Variants in GABBR2 observed in about 807,000 individuals in gnomAD.
GABBR2 encodes the protein G-protein coupled receptor 51.
A neutral mutation model predicts 105.6 loss-of-function variants in GABBR2; 23 were observed. The observed-to-expected ratio is 0.22, with a 90% CI of 0.16 to 0.31. The LOEUF (loss-of-function observed/expected upper bound fraction) is 0.31. GABBR2 is among the 10% of genes least tolerant of loss of function. The pLI is 1.00. For synonymous variants in GABBR2, 478 were observed against 499.7 expected (o/e 0.96, Z 0.58); for missense variants, 734 against 1,245.5 (o/e 0.59, Z 6.18).
intron 1 of GABBR2, chr9:98,607,367 T>G: frequency 4.3e-6 from 3 of 705,640 alleles, no homozygotes; most frequent in Admixed American, 2.1e-5. Context: ...ATTGAGTTTA[T>G]GAAGCGTTTG....
Position 98,463,626 on chromosome 9 carries a change from C to T in GABBR2, c.1000-9409G>A, listed in dbSNP as rs760753969. Among the ~76,000 whole-genome samples, 13 of 151,930 alleles carry T rather than the reference C, an allele frequency of 8.6e-5. No individual in the cohort carries two copies. In the South Asian group the frequency reaches 1.5e-3, roughly 17 times the overall value. On this transcript the variant is annotated intron_variant, in intron 6 of 18. Transcript: ENST00000259455. ...CCGTCTCGCTCTCGCTCTCGCTCTCCGTCTCGCTCTCGCTCTCCGTCTCCC... is the reference window on the plus strand; with the variant it reads ...CCGTCTCGCTCTCGCTCTCGCTCTCTGTCTCGCTCTCGCTCTCCGTCTCCC...
chr9:98,448,663 C>G (rs906946963), intron 7 of GABBR2, among the ~76,000 whole-genome samples: 11 of 152,124 alleles, frequency 7.2e-5, no homozygotes, highest in Non-Finnish European at 1.5e-4. Flanking sequence ...AGCGATCCAC[C>G]CACCTCAGCC....
chr9:98,547,443 T>A (rs1377099241), intron 2 of GABBR2, among the ~76,000 whole-genome samples: 1 of 118,096 alleles, frequency 8.5e-6, no homozygotes, highest in African/African-American at 2.7e-5. Flanking sequence ...TATATTCCTA[T>A]ATATTCTTGT....
intron 12 of GABBR2, among the ~76,000 whole-genome samples, chr9:98,370,199 G>A (rs487910): frequency 0.29 from 43,451 of 151,930 alleles, 7,772 homozygotes; most frequent in African/African-American, 0.5. Context: ...AGTTTGTGTG[G>A]CCCTGTCCAG....
At chr9:98,409,350 C>T (rs936721981) in intron 7 of GABBR2, among the ~76,000 whole-genome samples, 8 of 152,158 alleles carry the variant, frequency 5.3e-5, no homozygotes, top group Non-Finnish European at 1.0e-4. Context: ...GTGTGGCAAA[C>T]GTGGAAGCAG....
chr9:98,642,692 G>A (rs1829980168), intron 1 of GABBR2, among the ~76,000 whole-genome samples: 1 of 152,136 alleles, frequency 6.6e-6, no homozygotes, highest in South Asian at 2.1e-4. Flanking sequence ...AACAGAATAG[G>A]TGTGCATCAT....
At chr9:98,615,002 A>G (rs1313619885) in intron 1 of GABBR2, among the ~76,000 whole-genome samples, 2 of 152,204 alleles carry the variant, frequency 1.3e-5, no homozygotes, top group African/African-American at 2.4e-5. Flanking sequence ...AGCCTTTTCA[A>G]TAAAAATCCT....
chr9:98,536,700 C>T (rs1448115152), intron 3 of GABBR2, among the ~76,000 whole-genome samples: 1 of 152,154 alleles, frequency 6.6e-6, no homozygotes, highest in Non-Finnish European at 1.5e-5. Flanking sequence ...GGTACTTATG[C>T]CCCTCTTCTG....
intron 6 of GABBR2, among the ~76,000 whole-genome samples, chr9:98,456,011 C>G (rs1379986621): frequency 6.6e-6 from 1 of 152,176 alleles, no homozygotes; most frequent in East Asian, 1.9e-4. Flanking sequence ...ACACAGTGGG[C>G]AGAAACTCCC....
intron 7 of GABBR2, among the ~76,000 whole-genome samples, chr9:98,411,154 T>C (rs931414613): frequency 6.6e-6 from 1 of 152,206 alleles, no homozygotes; most frequent in Non-Finnish European, 1.5e-5. Context: ...AGGATTTTTT[T>C]TCCCCCTGAA....
chr9:98,299,736 C>G (rs895902801), intron 16 of GABBR2, among the ~76,000 whole-genome samples: 7 of 152,164 alleles, frequency 4.6e-5, no homozygotes, highest in African/African-American at 1.7e-4. Context: ...AACCCAGTCT[C>G]AATTTCTTTT....
At chr9:98,604,306 T>C (rs1020425939) in intron 1 of GABBR2, among the ~76,000 whole-genome samples, 5 of 152,334 alleles carry the variant, frequency 3.3e-5, no homozygotes, top group African/African-American at 9.6e-5. Context: ...ATCGGCTTTA[T>C]TGAGCAACAG....
chr9:98,688,683 C>A (rs1830650775), intron 1 of GABBR2, among the ~76,000 whole-genome samples: 1 of 152,014 alleles, frequency 6.6e-6, no homozygotes, highest in Non-Finnish European at 1.5e-5. Context: ...CCAGGGTGAC[C>A]CCAGTGATCA....
At position 98,464,097 on chromosome 9, in the gene GABBR2, C is replaced by T. The variant is rs374822130; in HGVS notation, c.999+9049G>A. 9.5e-4 allele frequency among the ~76,000 whole-genome samples: 144 copies of T among 152,168 alleles called. 3 individuals are homozygous for T. The East Asian group carries it at 0.02, about 21-fold the overall frequency. The stretch of plus-strand genomic sequence containing the variant: ...GCAGCGTCTCTGCCTGGCAGCCCAT[C>T]GTCTGGGATGTGAGGAGCCCCTCTG... On this transcript the variant is annotated intron_variant, in intron 6 of 18. Coordinates refer to ENST00000259455, the MANE Select transcript of GABBR2 (RefSeq NM_005458.8).
intron 5 of GABBR2, among the ~76,000 whole-genome samples, chr9:98,474,423 C>T (rs570661603): frequency 4.5e-4 from 69 of 152,208 alleles, no homozygotes; most frequent in Non-Finnish European, 7.2e-4. Context: ...CAGGTTCCAT[C>T]AAAATTGGGT....
At chr9:98,495,091 G>A (rs992228918) in intron 4 of GABBR2, among the ~76,000 whole-genome samples, 2 of 152,236 alleles carry the variant, frequency 1.3e-5, no homozygotes, top group Admixed American at 6.5e-5. Flanking sequence ...CTGCAGGGGG[G>A]AGACCTGGCT....
chr9:98,677,916 C>T (rs566261664), intron 1 of GABBR2, among the ~76,000 whole-genome samples: 27 of 152,272 alleles, frequency 1.8e-4, no homozygotes, highest in African/African-American at 6.0e-4. Flanking sequence ...AATATTAGGG[C>T]CTGACTGTCC....
chr9:98,398,580 G>A (rs771204368), intron 8 of GABBR2, among the ~76,000 whole-genome samples: 2 of 152,128 alleles, frequency 1.3e-5, no homozygotes, highest in Non-Finnish European at 2.9e-5. Context: ...TGGGTCCTGG[G>A]TCTGTGCTGG....
intron 16 of GABBR2, 103 bp downstream of exon 16, chr9:98,303,138 T>A: frequency 1.2e-6 from 1 of 865,558 alleles, no homozygotes; most frequent in Non-Finnish European, 1.8e-6. Context: ...GACTGCACGG[T>A]CATGCTGCAG....
Sources: gnomAD v4.1 joint callset for allele counts (sites outside exome capture counted in the v4.1 genomes callset) on GRCh38, gnomAD v4.1.1 for gene constraint, MANE v1.5 for transcripts, NCBI Gene and HGNC (gene_info 2026-07-23, HGNC 2026-07-21) for gene names.